The following COL5A1 variants were observed in gnomAD, a reference collection of about 807,000 sequenced individuals.
The protein encoded by COL5A1 is collagen type V alpha 1 chain, also known as collagen alpha-1(V) chain.
COL5A1 carries 16 observed loss-of-function variants against 263.7 expected under a neutral mutation model. The ratio of observed to expected loss-of-function variants is 0.06; its 90% CI spans 0.04 to 0.09. COL5A1 has a LOEUF of 0.09. Ranked by LOEUF, COL5A1 falls within the 10% of genes least tolerant of loss-of-function variation. The pLI is 1.00. For missense variants in COL5A1, 2,036 were observed against 2,540.5 expected (o/e 0.80, Z 4.27); for synonymous variants, 1,012 against 1,004.5 (o/e 1.01, Z -0.14).
At position 134,758,608 on chromosome 9, in the gene COL5A1, T is replaced by C. The variant is rs1292635908; in HGVS notation, c.1935+312T>C. On this transcript the variant is annotated intron_variant, in intron 18 of 65. Transcript: ENST00000371817. This position sits in a 1 kb window ranked among gnomAD's most constrained non-coding sequence, Gnocchi z 4.1. Reference sequence around the variant, plus strand: ...GAGCCCTTCCTTTTAGAGATCTGTTTAATGGAGTCCTTTAACATTTCAGGA... The same window carrying C: ...GAGCCCTTCCTTTTAGAGATCTGTTCAATGGAGTCCTTTAACATTTCAGGA... Among the ~76,000 whole-genome samples, 1 of 152,146 alleles carries C rather than the reference T, an allele frequency of 6.6e-6. No individual in the cohort carries two copies. Among genetic ancestry groups the C allele is most frequent in the East Asian group, 1.9e-4 (1 of 5,186 alleles).
At chr9:134,732,333 C>T (rs1030534210) in intron 9 of COL5A1, 1 of 663,010 alleles carries the variant, frequency 1.5e-6, no homozygotes, top group African/African-American at 1.8e-5. Flanking sequence ...ATGTTCTGGA[C>T]TGTGATGGAG....
At chr9:134,670,087 T>A (rs1832493573) in intron 1 of COL5A1, among the ~76,000 whole-genome samples, 1 of 152,262 alleles carries the variant, frequency 6.6e-6, no homozygotes, top group Non-Finnish European at 1.5e-5. Flanking sequence ...ACACAGAGAT[T>A]TTCTGATGTC....
At chr9:134,785,156 T>C in intron 30 of COL5A1, 60 bp downstream of exon 30, 1 of 1,412,970 alleles carries the variant, frequency 7.1e-7, no homozygotes, top group Non-Finnish European at 1.0e-6. Flanking sequence ...CCCTTCCCCA[T>C]GGCCTCGGGC....
chr9:134,709,339 G>A (rs1339803274), intron 4 of COL5A1: 5 of 295,956 alleles, frequency 1.7e-5, no homozygotes, highest in Non-Finnish European at 6.5e-6. Flanking sequence ...TGGCTAGCAG[G>A]CGGTTGGCCA....
At position 134,780,107 on chromosome 9, in the gene COL5A1, C is replaced by T. The variant is rs142347159; in HGVS notation, c.2391C>T (p.Ala797=). The change falls in exon 28 of 66, where the codon GCC becomes GCT. Residue 797 remains alanine, a synonymous_variant. Coordinates refer to ENST00000371817, the MANE Select transcript of COL5A1 (RefSeq NM_000093.5). ...GYPGPRGVKG[A]DGIRGLKGTK... ...TTCTTTTCCCACCCGCACAGGGGGC[C>T]GATGGCATCCGTGGTCTGAAGGGCA... 5.3e-5 allele frequency: 86 copies of T among 1,613,492 alleles called. No homozygotes were observed. Among genetic ancestry groups the T allele is most frequent in the Non-Finnish European group, 6.2e-5 (73 of 1,180,032 alleles).
At chr9:134,830,610 C>T (rs1839574220) in intron 64 of COL5A1, among the ~76,000 whole-genome samples, 1 of 152,266 alleles carries the variant, frequency 6.6e-6, no homozygotes, top group Middle Eastern at 3.4e-3. Flanking sequence ...ACCACGGATC[C>T]CCTCTCCCCA....
chr9:134,723,290 G>T (rs1834532749), intron 4 of COL5A1, among the ~76,000 whole-genome samples: 1 of 150,188 alleles, frequency 6.7e-6, no homozygotes, highest in Admixed American at 6.6e-5. Flanking sequence ...GGGCTCGGCG[G>T]TGCTGTCCAT....
At position 134,806,519 on chromosome 9, in the gene COL5A1, G is replaced by A. The variant is rs535161438; in HGVS notation, c.3366+223G>A. 3.5e-4 allele frequency among the ~76,000 whole-genome samples: 54 copies of A among 152,240 alleles called. 1 individual carries two copies. In the East Asian group the frequency reaches 0.01, roughly 28 times the overall value. On this transcript the variant is annotated intron_variant, in intron 42 of 65. Transcript: ENST00000371817. ...TCCTGGTGCCGGCCACATTCTTTCCGCCATCAGCTGAGCCAGAGGAGCCCT... is the reference window on the plus strand; with the variant it reads ...TCCTGGTGCCGGCCACATTCTTTCCACCATCAGCTGAGCCAGAGGAGCCCT...
intron 44 of COL5A1, among the ~76,000 whole-genome samples, chr9:134,810,865 CCTT>C (rs56089139): frequency 0.1 from 15,714 of 152,152 alleles, 936 homozygotes; most frequent in African/African-American, 0.16. Context: ...GAGGCTGTGT[CCTT>C]CTTCCAGCCG....
Position 134,642,706 on chromosome 9 carries a change from A to G in COL5A1, c.109+410A>G, listed in dbSNP as rs944888416. 1.6e-4 allele frequency among the ~76,000 whole-genome samples: 25 copies of G among 152,182 alleles called. No individual in the cohort carries two copies. Among genetic ancestry groups the G allele is most frequent in the Non-Finnish European group, 2.5e-4 (17 of 68,004 alleles). On this transcript the variant is annotated intron_variant, in intron 1 of 65. Transcript: ENST00000371817. This position sits in a 1 kb window ranked among gnomAD's most constrained non-coding sequence, Gnocchi z 4.5. ...TCCAAACCGGGCAGGGCCGCCCCCT[A>G]GAGTTACAGCCCTTCAAATCCCGGG...
intron 1 of COL5A1, among the ~76,000 whole-genome samples, chr9:134,666,431 C>T (rs1367197125): frequency 1.3e-5 from 2 of 152,200 alleles, no homozygotes; most frequent in East Asian, 3.9e-4. Flanking sequence ...CGAGTCTGTC[C>T]AGAAAGGAGA....
At chr9:134,824,476 TAGCCC>T (rs1839168549) in intron 61 of COL5A1, 119 bp from the exon 62 acceptor site, 2 of 1,205,964 alleles carry the variant, frequency 1.7e-6, no homozygotes, top group Admixed American at 2.0e-5. Context: ...GATGTCCATG[TAGCCC>T]AGGTTGCCAG....
chr9:134,698,602 G>A (rs951506625), intron 2 of COL5A1, among the ~76,000 whole-genome samples: 4 of 152,224 alleles, frequency 2.6e-5, no homozygotes, highest in East Asian at 1.9e-4. Flanking sequence ...GGCCTTCAGC[G>A]TCCCCTTCCT....
chr9:134,708,174 C>A (rs940235410), intron 4 of COL5A1, among the ~76,000 whole-genome samples: 2 of 152,192 alleles, frequency 1.3e-5, no homozygotes, highest in African/African-American at 4.8e-5. Flanking sequence ...ACTCTGACTT[C>A]GGACATGAGA....
At chr9:134,831,994 G>A (rs1839653511) in intron 64 of COL5A1, among the ~76,000 whole-genome samples, 1 of 152,208 alleles carries the variant, frequency 6.6e-6, no homozygotes, top group Non-Finnish European at 1.5e-5. Context: ...GCCAGGTGCA[G>A]GGGCTCATGC....
chr9:134,756,876 TTGA>T, intron 17 of COL5A1, 58 bp downstream of exon 17: 1 of 1,542,290 alleles, frequency 6.5e-7, no homozygotes, highest in South Asian at 1.1e-5. Flanking sequence ...TGGGGTCATG[TTGA>T]TGATGTAACC....
At chr9:134,648,209 G>C (rs1241202258) in intron 1 of COL5A1, among the ~76,000 whole-genome samples, 1 of 151,678 alleles carries the variant, frequency 6.6e-6, no homozygotes, top group Non-Finnish European at 1.5e-5. Context: ...ACTCGGACTT[G>C]CTCTCCTTGC....
chr9:134,808,026 A>G (rs1229202267), intron 42 of COL5A1, among the ~76,000 whole-genome samples: 1 of 152,236 alleles, frequency 6.6e-6, no homozygotes, highest in African/African-American at 2.4e-5. Flanking sequence ...CCAGGAATGT[A>G]GGACAGGAAG....
At chr9:134,654,857 GCT>G in intron 1 of COL5A1, among the ~76,000 whole-genome samples, 1 of 137,752 alleles carries the variant, frequency 7.3e-6, no homozygotes, top group South Asian at 2.5e-4. Context: ...TGTGTGTAGG[GCT>G]GGAAGTGTCT....
Sources: gnomAD v4.1 joint callset for allele counts (sites outside exome capture counted in the v4.1 genomes callset) on GRCh38, gnomAD v4.1.1 for gene constraint, Gnocchi (gnomAD v3.1) non-coding constraint, MANE v1.5 for transcripts, NCBI Gene and HGNC (gene_info 2026-07-23, HGNC 2026-07-21) for gene names.